Variants in PCDHA4 observed in about 807,000 individuals in gnomAD.
The protein encoded by PCDHA4 is protocadherin alpha 4.
PCDHA4 carries 49 observed loss-of-function variants against 61.4 expected under a neutral mutation model. The observed-to-expected ratio is 0.80, with a 90% CI of 0.63 to 1.01. The LOEUF (loss-of-function observed/expected upper bound fraction) is 1.01. Among genes scored for constraint, PCDHA4 ranks in the 50% least tolerant of loss-of-function variants. PCDHA4 has a pLI of 0.00. For missense variants in PCDHA4, 1,254 were observed against 1,235.8 expected (o/e 1.01, Z -0.22); for synonymous variants, 590 against 550.3 (o/e 1.07, Z -1.01).
chr5:140,812,087 C>A (rs1645799972), intron 1 of PCDHA4: 1 of 149,340 alleles, frequency 6.7e-6, no homozygotes, highest in African/African-American at 2.5e-5. Flanking sequence ...AAACAATTAT[C>A]ATTGATTCTT....
At chr5:140,941,255 C>CTTTCTTTCTTTCTTTCTT (rs782490896) in intron 1 of PCDHA4, among the ~76,000 whole-genome samples, 39 of 44,506 alleles carry the variant, frequency 8.8e-4, no homozygotes, top group Middle Eastern at 0.012. Flanking sequence ...TTCTTTCTTT[C>CTTTCTTTCTTTCTTTCTT]TCTTTCTTTC....
chr5:140,852,046 T>C, intron 1 of PCDHA4: 1 of 917,334 alleles, frequency 1.1e-6, no homozygotes, highest in South Asian at 5.0e-5. Flanking sequence ...TTTTGTTATG[T>C]GGTTTATATT....
In PCDHA4 at chr5:141,003,240, CAA is replaced by C. The variant is rs1287973511; in HGVS notation, c.2534-6383_2534-6382del. ...GAAAGAGGAAAGCTGGAAATTTTGC[CAA>C]AAAGATTCCTGGGCAGTGCCTAAGG... On this transcript the variant is annotated intron_variant, in intron 3 of 3. Transcript: ENST00000530339. Among the ~76,000 whole-genome samples the C allele has an allele frequency of 2.6e-5, 4 of 152,150 alleles. No individual in the cohort carries two copies. In the East Asian group the frequency reaches 7.7e-4, roughly 29 times the overall value.
At chr5:140,871,301 C>G in intron 1 of PCDHA4, 4 of 1,613,916 alleles carry the variant, frequency 2.5e-6, no homozygotes, top group Middle Eastern at 1.7e-4. Flanking sequence ...GCGTGCGCGC[C>G]GGGGAAGCCC....
chr5:140,928,424 C>A, intron 1 of PCDHA4: 1 of 1,614,184 alleles, frequency 6.2e-7, no homozygotes, highest in Non-Finnish European at 8.5e-7. Context: ...ACTGCCAAAA[C>A]TTCCTTTGAC....
intron 1 of PCDHA4, among the ~76,000 whole-genome samples, chr5:140,908,732 A>G (rs909800763): frequency 6.6e-6 from 1 of 152,200 alleles, no homozygotes; most frequent in African/African-American, 2.4e-5. Flanking sequence ...ATATGGCTCG[A>G]GAAACAGAGC....
chr5:140,813,515 C>G (rs892169199), intron 1 of PCDHA4: 3 of 152,074 alleles, frequency 2.0e-5, no homozygotes, highest in Non-Finnish European at 4.4e-5. Context: ...AAACATTGTA[C>G]AGATTTTTAA....
At chr5:140,845,811 T>C (rs200141146) in intron 1 of PCDHA4, among the ~76,000 whole-genome samples, 1 of 149,748 alleles carries the variant, frequency 6.7e-6, no homozygotes, top group South Asian at 2.1e-4. Context: ...GATAGGTACA[T>C]AATAAAATTT....
Position 141,009,798 on chromosome 5 carries a change from A to G in PCDHA4, c.2705A>G (p.Asn902Ser). Residue 902 changes from asparagine (N) to serine (S), a missense_variant, in exon 4 of 4, where the codon AAC (asparagine) becomes AGC (serine). Physicochemically the swap from Asn to Ser is conservative, Grantham distance 46. Transcript: ENST00000530339. ...AIISIRQEPT[N>S]SQIDKSDFIT... The stretch of plus-strand genomic sequence containing the variant: ...ATCTCCATCCGGCAGGAGCCTACTA[A>G]CAGCCAAATTGACAAAAGTGACTTC... 2 of 1,614,116 alleles carry G rather than the reference A, an allele frequency of 1.2e-6. No homozygotes were observed. Among genetic ancestry groups the G allele is most frequent in the Non-Finnish European group, 1.7e-6 (2 of 1,180,014 alleles).
intron 1 of PCDHA4, among the ~76,000 whole-genome samples, chr5:140,894,264 G>A (rs1231047220): frequency 1.3e-5 from 2 of 151,820 alleles, no homozygotes; most frequent in African/African-American, 4.8e-5. Flanking sequence ...ACAAGTGGTA[G>A]CTTATTTACA....
At chr5:140,882,987 CG>C in intron 1 of PCDHA4, 1 of 1,614,110 alleles carries the variant, frequency 6.2e-7, no homozygotes, top group South Asian at 1.1e-5. Flanking sequence ...GACAACGCCC[CG>C]GAATTTTACC....
chr5:140,982,708 C>G (rs550422492), intron 3 of PCDHA4, 145 bp downstream of exon 3: 1 of 1,373,770 alleles, frequency 7.3e-7, no homozygotes, highest in African/African-American at 1.5e-5. Flanking sequence ...GATTTCCTTA[C>G]ATATATGATT....
intron 1 of PCDHA4, among the ~76,000 whole-genome samples, chr5:140,974,516 T>G (rs533322332): frequency 2.0e-5 from 3 of 152,328 alleles, no homozygotes; most frequent in African/African-American, 7.2e-5. Context: ...TTTTATTTTA[T>G]TTTAGTTTTT....
In PCDHA4 at chr5:140,851,512, GT is replaced by G. The variant is rs1354131042; in HGVS notation, c.2385+41944del. On this transcript the variant is annotated intron_variant, in intron 1 of 3. Coordinates refer to ENST00000530339, the MANE Select transcript of PCDHA4 (RefSeq NM_018907.4). ...CTTCATTTCAACTTATATAAAATAT[GT>G]TTTAAAATGCCTGACAATGTAGATA... The G allele has an allele frequency of 1.0e-5, 9 of 903,444 alleles. 1 individual carries two copies. The highest frequency in any genetic ancestry group is 1.8e-5 in the African/African-American group (1 of 55,438). 56.0% of individuals were successfully genotyped at this position (903,444 alleles called of 1,614,324 possible). A position where few individuals can be genotyped will look rare whatever the true frequency, so the allele number is the denominator to read the frequency against.
rs2150101558 is a variant in PCDHA4, at chr5:140,818,539, A to G, written c.2385+8967A>G. On this transcript the variant is annotated intron_variant, in intron 1 of 3. Coordinates refer to ENST00000530339, the MANE Select transcript of PCDHA4 (RefSeq NM_018907.4). ...ACCTGAGAGATTATCATTTTTCTCC[A>G]TTTAATAATGAATCAGGCCAGGCAT... Among the ~76,000 whole-genome samples, 1,266 of 152,316 alleles carry G rather than the reference A, an allele frequency of 8.3e-3. 19 individuals are homozygous for G. Among genetic ancestry groups the G allele is most frequent in the African/African-American group, 0.029 (1,212 of 41,572 alleles).
At chr5:140,926,494 C>T (rs565938693) in intron 1 of PCDHA4, 46 of 181,758 alleles carry the variant, frequency 2.5e-4, no homozygotes, top group African/African-American at 1.0e-3. Flanking sequence ...GTGTTAGTGT[C>T]TCGGGGCGTC....
intron 1 of PCDHA4, chr5:140,966,708 C>T (rs1033433543): frequency 1.7e-5 from 23 of 1,384,632 alleles, no homozygotes; most frequent in African/African-American, 6.1e-5. Context: ...GCGTGGGGCA[C>T]GGCTGGGGAA....
At chr5:140,848,935 C>G (rs1363080082) in intron 1 of PCDHA4, 1 of 1,607,474 alleles carries the variant, frequency 6.2e-7, no homozygotes, top group Non-Finnish European at 8.5e-7. Context: ...GAATCCAGGC[C>G]GCTTGACTCT....
At position 140,941,253 on chromosome 5, in the gene PCDHA4, TTC is replaced by T. The variant is rs371538795; in HGVS notation, c.2386-37692_2386-37691del. 4.9e-3 allele frequency among the ~76,000 whole-genome samples: 316 copies of T among 64,734 alleles called. 2 individuals carry two copies. The highest frequency in any genetic ancestry group is 6.9e-3 in the Admixed American group (39 of 5,692). 42.5% of individuals were successfully genotyped at this position (64,734 alleles called of 152,430 possible). On this transcript the variant is annotated intron_variant, in intron 1 of 3. Coordinates refer to ENST00000530339, the MANE Select transcript of PCDHA4 (RefSeq NM_018907.4). ...TTTCTTTCTTTCTTTCTTTCTTTCT[TTC>T]TCTTTCTTTCTTTCTTTCCTTCCTT...
Sources: gnomAD v4.1 joint callset for allele counts (sites outside exome capture counted in the v4.1 genomes callset) on GRCh38, gnomAD v4.1.1 for gene constraint, MANE v1.5 for transcripts, NCBI Gene and HGNC (gene_info 2026-07-23, HGNC 2026-07-21) for gene names.